Variants in RAMP3 observed in about 807,000 individuals in gnomAD.
The protein encoded by RAMP3 is receptor activity modifying protein 3.
Under a neutral mutation model 13.5 loss-of-function variants are expected in RAMP3, and 14 were observed. The observed-to-expected ratio is 1.04, with a 90% CI of 0.69 to 1.63. The LOEUF (loss-of-function observed/expected upper bound fraction) is 1.63, where lower values mean the gene tolerates loss of function less well. Ranked by LOEUF, RAMP3 falls within the 40% of genes most tolerant of loss-of-function variation. The pLI is 0.00. For missense variants in RAMP3, 200 were observed against 204.8 expected, an observed-to-expected ratio of 0.98 and a Z score of 0.14; for synonymous variants, 106 against 88.3, an observed-to-expected ratio of 1.20 and a Z score of -1.12.
chr7:45,171,958 T>C (rs1786091839), intron 1 of RAMP3, among the ~76,000 whole-genome samples: 1 of 152,248 alleles, frequency 6.6e-6, no homozygotes, highest in African/African-American at 2.4e-5. Flanking sequence ...ATGACATCTC[T>C]GCTCCACAAG....
intron 1 of RAMP3, among the ~76,000 whole-genome samples, chr7:45,166,834 GGC>G: frequency 6.6e-6 from 1 of 152,206 alleles, no homozygotes; most frequent in East Asian, 1.9e-4. Context: ...GGAGTGCAGT[GGC>G]GCAATCTCAG....
intron 1 of RAMP3, among the ~76,000 whole-genome samples, chr7:45,173,843 C>T (rs775545587): frequency 6.6e-6 from 1 of 152,200 alleles, no homozygotes; most frequent in Non-Finnish European, 1.5e-5. Context: ...TCAACTGCTA[C>T]CATCCTGGGG....
Position 45,184,209 on chromosome 7 carries a change from C to T in RAMP3, c.*797C>T. Reference sequence around the variant, plus strand: ...ATGAGCTTGTGGCCTCTATCTGCTACCATCTGTGTTTTATCTGAGTAAAGT... The same window carrying T: ...ATGAGCTTGTGGCCTCTATCTGCTATCATCTGTGTTTTATCTGAGTAAAGT... On this transcript the variant is annotated 3_prime_UTR_variant, in exon 3 of 3. Coordinates refer to ENST00000242249, the MANE Select transcript of RAMP3 (RefSeq NM_005856.3). The T allele has an allele frequency of 2.5e-6, 1 of 398,656 alleles. No individual in the cohort carries two copies. The highest frequency in any genetic ancestry group is 4.4e-6 in the Non-Finnish European group (1 of 226,134). The allele number at this position is 398,656 out of a possible 1,614,324, so 24.7% of individuals were successfully genotyped here. A position where few individuals can be genotyped will look rare whatever the true frequency, so the allele number is the denominator to read the frequency against.
intron 2 of RAMP3, among the ~76,000 whole-genome samples, chr7:45,178,018 C>A (rs1321887587): frequency 1.3e-5 from 2 of 150,752 alleles, no homozygotes; most frequent in South Asian, 2.1e-4. Context: ...GGGGGGTGCA[C>A]TCTCCCAGGG....
chr7:45,160,025 G>A (rs749203856), intron 1 of RAMP3, among the ~76,000 whole-genome samples: 2 of 152,168 alleles, frequency 1.3e-5, no homozygotes, highest in Non-Finnish European at 2.9e-5. Context: ...CAGTAACTCT[G>A]GTGAATTAAA....
intron 1 of RAMP3, among the ~76,000 whole-genome samples, chr7:45,159,344 C>G (rs1481465658): frequency 6.6e-6 from 1 of 152,146 alleles, no homozygotes; most frequent in Non-Finnish European, 1.5e-5. Context: ...CAGAGGTATC[C>G]GGGACTGGAA....
chr7:45,178,728 A>C (rs894593090), intron 2 of RAMP3, among the ~76,000 whole-genome samples: 1 of 152,246 alleles, frequency 6.6e-6, no homozygotes, highest in Non-Finnish European at 1.5e-5. Flanking sequence ...AGAGGAGGTC[A>C]TAGCTTCGTA....
At chr7:45,168,306 T>G (rs1476489207) in intron 1 of RAMP3, among the ~76,000 whole-genome samples, 2 of 145,486 alleles carry the variant, frequency 1.4e-5, no homozygotes, top group Non-Finnish European at 3.0e-5. Context: ...GGAGGCTGAG[T>G]GAGGCATGAG....
chr7:45,171,047 T>C (rs1786071853), intron 1 of RAMP3, among the ~76,000 whole-genome samples: 2 of 152,338 alleles, frequency 1.3e-5, no homozygotes, highest in East Asian at 3.9e-4. Context: ...CAAAACCATA[T>C]CTAATTTCCC....
At chr7:45,167,868 G>T (rs1220186427) in intron 1 of RAMP3, among the ~76,000 whole-genome samples, 2 of 152,084 alleles carry the variant, frequency 1.3e-5, no homozygotes, top group Non-Finnish European at 1.5e-5. Context: ...TTACAAGCGT[G>T]AGCCACCTCG....
At chr7:45,175,229 T>A (rs1388182579) in intron 1 of RAMP3, among the ~76,000 whole-genome samples, 1 of 152,162 alleles carries the variant, frequency 6.6e-6, no homozygotes, top group Non-Finnish European at 1.5e-5. Flanking sequence ...CAGAAGGCCC[T>A]GAAACACCTG....
Position 45,163,235 on chromosome 7 carries a change from A to T in RAMP3, c.58+5349A>T, listed in dbSNP as rs1435520590. On this transcript the variant is annotated intron_variant, in intron 1 of 2. Transcript: ENST00000242249. ...CTATCTCTGGTGGCTGCCCTGAAAG[A>T]TGACAGTGCCCAGAGGAACTAGGGA... 3 of 985,398 alleles carry T rather than the reference A, an allele frequency of 3.0e-6. No individual in the cohort carries two copies. The Admixed American group carries it at 1.8e-4, about 61-fold the overall frequency. 61.0% of individuals were successfully genotyped at this position (985,398 alleles called of 1,614,324 possible). A position where few individuals can be genotyped will look rare whatever the true frequency, so the allele number is the denominator to read the frequency against.
intron 1 of RAMP3, 114 bp from the exon 2 acceptor site, chr7:45,177,195 C>CT: frequency 7.2e-7 from 1 of 1,396,478 alleles, no homozygotes; most frequent in South Asian, 1.3e-5. Context: ...CGGTCTCAGG[C>CT]TTGCAAACGG....
At chr7:45,183,121 G>A (rs772341814) in intron 2 of RAMP3, 36 bp from the exon 3 acceptor site, 1 of 1,601,382 alleles carries the variant, frequency 6.2e-7, no homozygotes. Context: ...AGGGGGGATG[G>A]CGAGAGCCTG....
chr7:45,171,252 T>A (rs1169023784), intron 1 of RAMP3, among the ~76,000 whole-genome samples: 1 of 151,798 alleles, frequency 6.6e-6, no homozygotes, highest in Non-Finnish European at 1.5e-5. Flanking sequence ...GCCTCCTGGG[T>A]TCAAGCGATT....
chr7:45,162,490 G>A (rs145050766), intron 1 of RAMP3, among the ~76,000 whole-genome samples: 1,968 of 152,320 alleles, frequency 0.013, 21 homozygotes, highest in Non-Finnish European at 0.018. Context: ...TCAGTGTGAG[G>A]CAATGGTGAC....
intron 1 of RAMP3, among the ~76,000 whole-genome samples, chr7:45,158,821 A>C (rs1486239943): frequency 1.3e-5 from 2 of 152,156 alleles, no homozygotes; most frequent in Non-Finnish European, 2.9e-5. Flanking sequence ...CCTTCCATTG[A>C]AGAGGTCTTG....
intron 1 of RAMP3, among the ~76,000 whole-genome samples, chr7:45,170,835 A>T (rs536006589): frequency 1.9e-4 from 29 of 151,940 alleles, no homozygotes; most frequent in Admixed American, 1.3e-4. Context: ...TTTTATAGAG[A>T]TGAAGGTTTC....
chr7:45,176,089 C>T (rs1401311138), intron 1 of RAMP3, among the ~76,000 whole-genome samples: 1 of 152,122 alleles, frequency 6.6e-6, no homozygotes, highest in African/African-American at 2.4e-5. Flanking sequence ...TGATACGTTC[C>T]TGGAGGTGGC....
Sources: gnomAD v4.1 joint callset for allele counts (sites outside exome capture counted in the v4.1 genomes callset) on GRCh38, gnomAD v4.1.1 for gene constraint, MANE v1.5 for transcripts, NCBI Gene and HGNC (gene_info 2026-07-23, HGNC 2026-07-21) for gene names.